Variants in HCN1 observed in about 807,000 individuals in gnomAD.
HCN1 encodes hyperpolarization activated cyclic nucleotide gated potassium channel 1, also known as potassium/sodium hyperpolarization-activated cyclic nucleotide-gated channel 1.
HCN1 carries 13 observed loss-of-function variants against 78.9 expected under a neutral mutation model. The ratio of observed to expected loss-of-function variants is 0.16; its 90% CI spans 0.11 to 0.26. HCN1 has a LOEUF of 0.26. Ranked by LOEUF, HCN1 falls within the 10% of genes least tolerant of loss-of-function variation. The pLI, the probability that HCN1 is intolerant of heterozygous loss-of-function variation, is 1.00. For missense variants in HCN1, 810 were observed against 1,154.3 expected, an observed-to-expected ratio of 0.70 and a Z score of 4.32; for synonymous variants, 552 against 455.5, an observed-to-expected ratio of 1.21 and a Z score of -2.70.
intron 2 of HCN1, among the ~76,000 whole-genome samples, chr5:45,483,973 C>T (rs998309165): frequency 6.6e-6 from 1 of 152,066 alleles, no homozygotes; most frequent in African/African-American, 2.4e-5. Flanking sequence ...TTCTGTTGGT[C>T]TATGTGCCTG....
chr5:45,541,476 T>G (rs1039608672), intron 2 of HCN1, among the ~76,000 whole-genome samples: 1 of 152,224 alleles, frequency 6.6e-6, no homozygotes, highest in East Asian at 1.9e-4. Context: ...ATGATCCTTT[T>G]GTACTTGGTT....
chr5:45,412,891 T>A (rs1740050502), intron 3 of HCN1, among the ~76,000 whole-genome samples: 1 of 151,992 alleles, frequency 6.6e-6, no homozygotes, highest in Admixed American at 6.6e-5. Flanking sequence ...GACCCTCCAA[T>A]TAAAAGGAGA....
At chr5:45,298,634 C>G (rs1232897511) in intron 6 of HCN1, among the ~76,000 whole-genome samples, 1 of 151,866 alleles carries the variant, frequency 6.6e-6, no homozygotes, top group Non-Finnish European at 1.5e-5. Flanking sequence ...CATACTGATA[C>G]AAAAAGGATT....
chr5:45,349,990 T>C (rs574080861), intron 5 of HCN1, among the ~76,000 whole-genome samples: 29 of 152,020 alleles, frequency 1.9e-4, no homozygotes, highest in Admixed American at 5.9e-4. Flanking sequence ...TTCCAATCAA[T>C]AGAAAAAGAG....
intron 2 of HCN1, among the ~76,000 whole-genome samples, chr5:45,525,117 G>A (rs1384390805): frequency 6.6e-6 from 1 of 151,870 alleles, no homozygotes; most frequent in Non-Finnish European, 1.5e-5. Context: ...TGAGATAATC[G>A]TGGTTTTTGT....
intron 5 of HCN1, among the ~76,000 whole-genome samples, chr5:45,350,742 G>A (rs932051905): frequency 6.6e-6 from 1 of 151,410 alleles, no homozygotes; most frequent in African/African-American, 2.4e-5. Context: ...CAGACAAACA[G>A]AGAGCCAAAT....
At chr5:45,348,346 T>G (rs957099011) in intron 5 of HCN1, among the ~76,000 whole-genome samples, 70 of 152,126 alleles carry the variant, frequency 4.6e-4, no homozygotes, top group African/African-American at 1.6e-3. Flanking sequence ...AGGCCTGCCC[T>G]AAAAGAGCTC....
chr5:45,503,336 G>A (rs919276003), intron 2 of HCN1, among the ~76,000 whole-genome samples: 5 of 152,056 alleles, frequency 3.3e-5, no homozygotes, highest in Non-Finnish European at 7.4e-5. Flanking sequence ...CAGATCTCGA[G>A]AAACTCTAAA....
chr5:45,623,520 T>C (rs1745108014), intron 2 of HCN1, among the ~76,000 whole-genome samples: 1 of 152,196 alleles, frequency 6.6e-6, no homozygotes, highest in African/African-American at 2.4e-5. Flanking sequence ...TCAATTCTTT[T>C]CCCATCTTCT....
intron 2 of HCN1, among the ~76,000 whole-genome samples, chr5:45,553,762 G>A (rs1377132715): frequency 5.3e-5 from 8 of 151,858 alleles, no homozygotes; most frequent in Non-Finnish European, 1.0e-4. Context: ...GCTATGTAAA[G>A]AGTTGTTATA....
chr5:45,433,616 A>G (rs373919227), intron 3 of HCN1, among the ~76,000 whole-genome samples: 5 of 152,136 alleles, frequency 3.3e-5, no homozygotes, highest in African/African-American at 1.2e-4. Context: ...TCCTGTCATC[A>G]TATTCTTGTT....
chr5:45,651,807 A>C (rs1170350427), intron 1 of HCN1, among the ~76,000 whole-genome samples: 1 of 151,960 alleles, frequency 6.6e-6, no homozygotes, highest in African/African-American at 2.4e-5. Context: ...ATGTCTCACA[A>C]GGCCAAATTT....
At chr5:45,555,223 T>A (rs1042282849) in intron 2 of HCN1, among the ~76,000 whole-genome samples, 1 of 151,788 alleles carries the variant, frequency 6.6e-6, no homozygotes. Context: ...CATACAAAAA[T>A]CAGTAGCATT....
chr5:45,327,675 G>C (rs1230069120), intron 5 of HCN1, among the ~76,000 whole-genome samples: 1 of 151,608 alleles, frequency 6.6e-6, no homozygotes, highest in Non-Finnish European at 1.5e-5. Context: ...TTTAGATAGA[G>C]GGTATTTGAA....
At chr5:45,330,451 CAT>C (rs1050484327) in intron 5 of HCN1, among the ~76,000 whole-genome samples, 28 of 150,380 alleles carry the variant, frequency 1.9e-4, no homozygotes, top group Admixed American at 8.6e-4. Context: ...TACATATATA[CAT>C]ATATATATAA....
chr5:45,353,392 C>T lies in HCN1; in HGVS notation c.1231-146G>A, dbSNP rs370352189. ...CTTTAAGATGAAGGAACTAATTTAC[C>T]TGGGTCTAATGTACCTATTTTGTGT... On this transcript the variant is annotated intron_variant, in intron 4 of 7. Coordinates refer to ENST00000303230, the MANE Select transcript of HCN1 (RefSeq NM_021072.4). The T allele has an allele frequency of 2.3e-4, 150 of 642,902 alleles. 2 individuals are homozygous for T. Among genetic ancestry groups the T allele is most frequent in the South Asian group, 2.3e-3 (119 of 52,120 alleles). 39.8% of individuals were successfully genotyped at this position (642,902 alleles called of 1,614,324 possible).
chr5:45,395,143 T>C (rs2112038933), intron 4 of HCN1, among the ~76,000 whole-genome samples: 1 of 152,116 alleles, frequency 6.6e-6, no homozygotes, highest in Admixed American at 6.5e-5. Context: ...AGAAAATGTA[T>C]AGCAATGATG....
chr5:45,295,305 TC>T (rs775659443), intron 6 of HCN1, among the ~76,000 whole-genome samples: 6 of 152,046 alleles, frequency 3.9e-5, no homozygotes, highest in Non-Finnish European at 8.8e-5. Context: ...TTTATTAAAT[TC>T]TTCTTTATAA....
chr5:45,523,315 A>G (rs1222915467), intron 2 of HCN1, among the ~76,000 whole-genome samples: 8 of 152,120 alleles, frequency 5.3e-5, no homozygotes, highest in Admixed American at 2.0e-4. Context: ...GCCACAATAA[A>G]CATACGTGTG....
Sources: allele counts gnomAD v4.1 joint callset (sites outside exome capture counted in the v4.1 genomes callset), GRCh38; gene constraint gnomAD v4.1.1; transcripts MANE v1.5; gene names NCBI Gene and HGNC (gene_info 2026-07-23, HGNC 2026-07-21).